JAK2: variants seen among roughly 807,000 people sequenced by gnomAD.
JAK2 encodes tyrosine-protein kinase JAK2.
In JAK2, 86 loss-of-function variants were observed where a neutral mutation model predicts 139.3. The observed-to-expected ratio is 0.62, with a 90% confidence interval of 0.52 to 0.74. JAK2 has a LOEUF of 0.74. JAK2 is among the 30% of genes least tolerant of loss of function. JAK2 has a pLI of 0.00. For missense variants in JAK2, 1,421 were observed against 1,360.3 expected (o/e 1.04, Z -0.70); for synonymous variants, 490 against 437.7 (o/e 1.12, Z -1.49).
At chr9:5,041,822 G>A (rs963304133) in intron 4 of JAK2, 11 of 482,670 alleles carry the variant, frequency 2.3e-5, no homozygotes, top group Non-Finnish European at 3.3e-5. Flanking sequence ...AAAACCAGGC[G>A]CTGAACTCCA....
chr9:5,030,732 T>C (rs1823088444), intron 4 of JAK2, among the ~76,000 whole-genome samples: 1 of 152,122 alleles, frequency 6.6e-6, no homozygotes, highest in Admixed American at 6.5e-5. Context: ...CTTGGTGCTC[T>C]CTCAATAAAT....
Position 5,073,681 on chromosome 9 carries a change from C to A in JAK2, c.1777-17C>A, listed in dbSNP as rs1473738976. The A allele has an allele frequency of 1.4e-6, 2 of 1,425,726 alleles. No homozygotes were observed. The highest frequency in any genetic ancestry group is 1.9e-6 in the Non-Finnish European group (2 of 1,037,216). The allele number at this position is 1,425,726 out of a possible 1,614,324, so 88.3% of individuals were successfully genotyped here. ...AACAGTCAAACAACAATTCTTTGTA[C>A]TTTTTTTTTTCCTTAGTCTTTCTTT... On this transcript the variant is annotated splice_polypyrimidine_tract_variant and intron_variant, in intron 13 of 24. Transcript: ENST00000381652.
In JAK2 at chr9:5,073,682, T is replaced by A. The variant is rs1563977726; in HGVS notation, c.1777-16T>A. ...ACAGTCAAACAACAATTCTTTGTAC[T>A]TTTTTTTTTCCTTAGTCTTTCTTTG... On this transcript the variant is annotated splice_polypyrimidine_tract_variant and intron_variant, in intron 13 of 24. Coordinates refer to ENST00000381652, the MANE Select transcript of JAK2 (RefSeq NM_004972.4). 5.6e-6 allele frequency: 8 copies of A among 1,427,040 alleles called. No individual in the cohort carries two copies. Among genetic ancestry groups the A allele is most frequent in the Non-Finnish European group, 7.7e-6 (8 of 1,037,158 alleles). 88.4% of individuals were successfully genotyped at this position (1,427,040 alleles called of 1,614,324 possible). A position where few individuals can be genotyped will look rare whatever the true frequency, so the allele number is the denominator to read the frequency against.
At chr9:4,990,379 T>C (rs1587791727) in intron 2 of JAK2, among the ~76,000 whole-genome samples, 1 of 152,182 alleles carries the variant, frequency 6.6e-6, no homozygotes, top group Non-Finnish European at 1.5e-5. Flanking sequence ...GTTATGGCAG[T>C]GTTAGTAGCT....
chr9:5,078,221 A>T (rs2130588208), intron 15 of JAK2, 85 bp from the exon 16 acceptor site: 1 of 1,126,980 alleles, frequency 8.9e-7, no homozygotes, highest in Non-Finnish European at 1.2e-6. Context: ...TTTCTTCTTT[A>T]AATCTGTTTT....
intron 22 of JAK2, among the ~76,000 whole-genome samples, chr9:5,120,113 G>A (rs1823500829): frequency 6.6e-6 from 1 of 152,342 alleles, no homozygotes. Flanking sequence ...CAGGCGTCTG[G>A]TGAGAGCTGC....
Position 5,093,762 on chromosome 9 carries a change from T to A in JAK2, c.3059+2851T>A, listed in dbSNP as rs1202742005. On this transcript the variant is annotated intron_variant, in intron 22 of 24. Transcript: ENST00000381652. The stretch of plus-strand genomic sequence containing the variant: ...AACAGTGCAATCCTATTCTATCATA[T>A]CAATAATAGGGTTTACGACCTCGAT... 2.6e-5 allele frequency among the ~76,000 whole-genome samples: 4 copies of A among 152,176 alleles called. No individual in the cohort carries two copies. In the East Asian group the frequency reaches 7.7e-4, roughly 29 times the overall value.
At chr9:5,115,466 G>C (rs1298558540) in intron 22 of JAK2, among the ~76,000 whole-genome samples, 3 of 152,210 alleles carry the variant, frequency 2.0e-5, no homozygotes, top group Admixed American at 1.3e-4. Flanking sequence ...GTTGATGGGA[G>C]TGTAAATTAG....
chr9:5,048,627 C>T (rs1448746003), intron 5 of JAK2, among the ~76,000 whole-genome samples: 1 of 151,980 alleles, frequency 6.6e-6, no homozygotes, highest in Non-Finnish European at 1.5e-5. Context: ...ACGTTTAGGC[C>T]TTTGTTTTGG....
intron 4 of JAK2, among the ~76,000 whole-genome samples, chr9:5,032,017 A>C (rs1391541799): frequency 1.3e-5 from 2 of 152,234 alleles, no homozygotes; most frequent in Non-Finnish European, 1.5e-5. Context: ...TAGTCAAAGA[A>C]AGGGGTGACA....
chr9:5,119,070 A>G (rs1413744412), intron 22 of JAK2, among the ~76,000 whole-genome samples: 2 of 152,182 alleles, frequency 1.3e-5, no homozygotes, highest in Non-Finnish European at 2.9e-5. Context: ...AACATATTTT[A>G]TCATGTTTTA....
chr9:4,992,404 C>G (rs1219115732), intron 2 of JAK2, among the ~76,000 whole-genome samples: 1 of 152,098 alleles, frequency 6.6e-6, no homozygotes, highest in Non-Finnish European at 1.5e-5. Flanking sequence ...GAAGCCTGTC[C>G]AGATTTGATG....
chr9:5,077,223 T>TTA (rs1819366824), intron 14 of JAK2, among the ~76,000 whole-genome samples: 1 of 150,072 alleles, frequency 6.7e-6, no homozygotes, highest in South Asian at 2.1e-4. Context: ...TACATTTATG[T>TTA]TATATATAAT....
At chr9:5,091,993 G>A (rs1302048775) in intron 22 of JAK2, among the ~76,000 whole-genome samples, 1 of 152,110 alleles carries the variant, frequency 6.6e-6, no homozygotes, top group Admixed American at 6.6e-5. Flanking sequence ...CGAAGATACT[G>A]CCGATTGCTA....
chr9:5,060,608 C>G (rs1818100304), intron 8 of JAK2, among the ~76,000 whole-genome samples: 1 of 152,238 alleles, frequency 6.6e-6, no homozygotes. Context: ...TTCAGCTCTA[C>G]TTCTAATTCT....
chr9:5,112,630 C>G, intron 22 of JAK2: 2 of 988,386 alleles, frequency 2.0e-6, no homozygotes, highest in Non-Finnish European at 2.9e-6. Flanking sequence ...TGCACCTCAA[C>G]AGCGAGAAGC....
At chr9:5,026,011 C>CT (rs1445342978) in intron 3 of JAK2, among the ~76,000 whole-genome samples, 1 of 152,098 alleles carries the variant, frequency 6.6e-6, no homozygotes, top group African/African-American at 2.4e-5. Context: ...ATCTGTGCCT[C>CT]TTTTTTTCTT....
intron 2 of JAK2, among the ~76,000 whole-genome samples, chr9:4,997,462 C>T (rs913083107): frequency 6.6e-6 from 1 of 152,126 alleles, no homozygotes; most frequent in Non-Finnish European, 1.5e-5. Flanking sequence ...AAGGTGCACA[C>T]ACTTTTAAAC....
At chr9:5,087,337 A>G (rs1469305992) in intron 19 of JAK2, among the ~76,000 whole-genome samples, 3 of 152,200 alleles carry the variant, frequency 2.0e-5, no homozygotes, top group African/African-American at 7.2e-5. Context: ...TCTCATGAGA[A>G]CTATCACGAG....
Sources: allele counts gnomAD v4.1 joint callset (sites outside exome capture counted in the v4.1 genomes callset), GRCh38; gene constraint gnomAD v4.1.1; transcripts MANE v1.5; gene names NCBI Gene and HGNC (gene_info 2026-07-23, HGNC 2026-07-21).